ARL5C: variants seen among roughly 807,000 people sequenced by gnomAD.
ARL5C encodes putative ADP-ribosylation factor-like protein 5C.
A neutral mutation model predicts 20.8 loss-of-function variants in ARL5C; 21 were observed. The observed-to-expected ratio is 1.01, with a 90% CI of 0.72 to 1.46. The LOEUF is 1.46. ARL5C is among the 40% of genes most tolerant of loss of function. ARL5C has a pLI of 0.00. For synonymous variants in ARL5C, 71 were observed against 81.6 expected (o/e 0.87, Z 0.70); for missense variants, 199 against 225.1 (o/e 0.88, Z 0.74).
chr17:39,164,960 C>T lies in ARL5C; in HGVS notation c.107+119G>A. 2.9e-6 allele frequency: 3 copies of T among 1,025,220 alleles called. 1 individual carries two copies. The highest frequency in any genetic ancestry group is 4.4e-6 in the Non-Finnish European group (3 of 681,914). The allele number at this position is 1,025,220 out of a possible 1,614,324, so 63.5% of individuals were successfully genotyped here. A position where few individuals can be genotyped will look rare whatever the true frequency, so the allele number is the denominator to read the frequency against. On this transcript the variant is annotated intron_variant, in intron 2 of 5. Transcript: ENST00000269586. ...AAGGTCCAAGCAGCGTGCCCAATCG[C>T]TCCTCCGGACTACAGAGGAGCCCGG...
chr17:39,165,372 C>T (rs1597669832), intron 1 of ARL5C: 1 of 595,300 alleles, frequency 1.7e-6, no homozygotes, highest in Non-Finnish European at 3.0e-6. Flanking sequence ...TCTGAAAGGC[C>T]CGGGGCGCTT....
chr17:39,156,939 C>A lies in ARL5C; in HGVS notation c.495G>T (p.Leu165=). ...QGCCALTREG[L]PARLQWMESQ... The stretch of plus-strand genomic sequence containing the variant: ...ATTCCATCCACTGAAGTCTGGCAGG[C>A]AGCCTGCAGGGAGGAAGGAACAGGA... Residue 165 remains leucine, a synonymous_variant, in exon 6 of 6, where the codon CTG becomes CTT. Coordinates refer to ENST00000269586, the MANE Select transcript of ARL5C (RefSeq NM_001143968.1). 1.3e-6 allele frequency: 2 copies of A among 1,551,870 alleles called. No individual in the cohort carries two copies. Among genetic ancestry groups the A allele is most frequent in the Non-Finnish European group, 1.7e-6 (2 of 1,146,982 alleles).
rs751260465 is a variant in ARL5C, at chr17:39,166,087, G to A, written c.-327C>T. Reference sequence around the variant, plus strand: ...GGACTGCTCCACTACCGCAAATCAGGGGAGACTCAGCACTGCGCGCGGAAC... The same window carrying A: ...GGACTGCTCCACTACCGCAAATCAGAGGAGACTCAGCACTGCGCGCGGAAC... On this transcript the variant is annotated 5_prime_UTR_variant, in exon 1 of 6. Transcript: ENST00000269586. The A allele has an allele frequency of 2.2e-4, 85 of 384,852 alleles. No homozygotes were observed. Among genetic ancestry groups the A allele is most frequent in the Non-Finnish European group, 3.3e-4 (68 of 204,482 alleles). The allele number at this position is 384,852 out of a possible 1,614,324, so 23.8% of individuals were successfully genotyped here. A position where few individuals can be genotyped will look rare whatever the true frequency, so the allele number is the denominator to read the frequency against.
At chr17:39,161,222 A>C (rs980389114) in intron 4 of ARL5C, 46 bp downstream of exon 4, 207 of 1,508,864 alleles carry the variant, frequency 1.4e-4, no homozygotes, top group Non-Finnish European at 1.6e-4. Flanking sequence ...GCCTGAGGGC[A>C]CACAGCTAGT....
rs929762852 is a variant in ARL5C, at chr17:39,165,811, G to C, written c.-51C>G. The C allele has an allele frequency of 4.0e-5, 62 of 1,548,152 alleles. No individual in the cohort carries two copies. The African/African-American group carries it at 7.7e-4, about 19-fold the overall frequency. On this transcript the variant is annotated 5_prime_UTR_variant, in exon 1 of 6. Coordinates refer to ENST00000269586, the MANE Select transcript of ARL5C (RefSeq NM_001143968.1). The stretch of plus-strand genomic sequence containing the variant: ...AGGAGGGCTCAGCGGCCTCAGGAGC[G>C]GAGTCGGCCCTGGTATTCGGAGCTC...
chr17:39,157,423 G>A (rs2045410748), intron 5 of ARL5C, among the ~76,000 whole-genome samples: 1 of 152,186 alleles, frequency 6.6e-6, no homozygotes, highest in African/African-American at 2.4e-5. Flanking sequence ...GCGCATGGGT[G>A]GAGTCTTGGT....
At chr17:39,159,019 C>CT (rs1395516312) in intron 5 of ARL5C, among the ~76,000 whole-genome samples, 198 of 63,824 alleles carry the variant, frequency 3.1e-3, no homozygotes, top group African/African-American at 4.6e-3. Flanking sequence ...TCATTTATCA[C>CT]TTGTTTTTTT....
chr17:39,159,611 G>C (rs2045424779), intron 5 of ARL5C, among the ~76,000 whole-genome samples: 1 of 152,016 alleles, frequency 6.6e-6, no homozygotes, highest in African/African-American at 2.4e-5. Flanking sequence ...TTTTCTAACT[G>C]ACTATATATT....
In ARL5C at chr17:39,166,007, G is replaced by T; in HGVS notation, c.-247C>A. The stretch of plus-strand genomic sequence containing the variant: ...CCCAAGAGGTGCAAGGAATATGGGG[G>T]TTCCAGGCTCCAGCCCTCCCCCTCG... On this transcript the variant is annotated 5_prime_UTR_variant, in exon 1 of 6. Coordinates refer to ENST00000269586, the MANE Select transcript of ARL5C (RefSeq NM_001143968.1). 3.7e-6 allele frequency: 2 copies of T among 540,060 alleles called. No homozygotes were observed. Among genetic ancestry groups the T allele is most frequent in the Non-Finnish European group, 6.6e-6 (2 of 301,158 alleles). 33.5% of individuals were successfully genotyped at this position (540,060 alleles called of 1,614,324 possible). A position where few individuals can be genotyped will look rare whatever the true frequency, so the allele number is the denominator to read the frequency against.
chr17:39,162,747 C>T lies in ARL5C; in HGVS notation c.219G>A (p.Leu73=). ...AGTAGTATGTGTTCCAGATAAAGCT[C>T]AGAGCCTCAGGTCTCACTATGTCCC... ...FMWDIVRPEA[L]SFIWNTYYSN... The change falls in exon 3 of 6, where the codon CTG becomes CTA. Residue 73 remains leucine, a synonymous_variant. Transcript: ENST00000269586. The T allele has an allele frequency of 5.8e-6, 9 of 1,551,724 alleles. No homozygotes were observed. Among genetic ancestry groups the T allele is most frequent in the Non-Finnish European group, 7.8e-6 (9 of 1,147,000 alleles).
At chr17:39,162,291 T>C (rs1042709950) in intron 3 of ARL5C, among the ~76,000 whole-genome samples, 2 of 152,200 alleles carry the variant, frequency 1.3e-5, no homozygotes, top group Non-Finnish European at 2.9e-5. Flanking sequence ...GATCATTATA[T>C]ATATGTATAT....
intron 2 of ARL5C, among the ~76,000 whole-genome samples, chr17:39,164,561 C>T (rs1340038193): frequency 6.6e-6 from 1 of 152,114 alleles, no homozygotes; most frequent in Non-Finnish European, 1.5e-5. Context: ...AAAAGCTTCT[C>T]CTAAGTAAAG....
At chr17:39,157,554 C>T (rs1458897876) in intron 5 of ARL5C, among the ~76,000 whole-genome samples, 1 of 152,012 alleles carries the variant, frequency 6.6e-6, no homozygotes, top group Non-Finnish European at 1.5e-5. Flanking sequence ...CTTAGGGAGG[C>T]GGAGGCGGGT....
rs537303784 is a variant in ARL5C at position 39,158,083 on chromosome 17, G to A, written c.492-1141C>T. ...ACTGCGCTCCAGCCTGGGCAACAGA[G>A]CAAGTGGCCGTCGAAGAAAGGGAAG... On this transcript the variant is annotated intron_variant, in intron 5 of 5. Transcript: ENST00000269586. Among the ~76,000 whole-genome samples the A allele has an allele frequency of 6.0e-3, 857 of 142,698 alleles. 13 individuals are homozygous for A. The highest frequency in any genetic ancestry group is 0.02 in the African/African-American group (806 of 39,746). The allele number at this position is 142,698 out of a possible 152,430, so 93.6% of individuals were successfully genotyped here.
At position 39,156,957 on chromosome 17, in the gene ARL5C, G is replaced by T; in HGVS notation, c.492-15C>A. 1 of 1,551,872 alleles carries T rather than the reference G, an allele frequency of 6.4e-7. No individual in the cohort carries two copies. The highest frequency in any genetic ancestry group is 8.7e-7 in the Non-Finnish European group (1 of 1,146,954). ...TGGCAGGCAGCCTGCAGGGAGGAAG[G>T]AACAGGAGGGGTCAGCCTAACCCAA... is the stretch of plus-strand genomic sequence containing the variant. On this transcript the variant is annotated splice_polypyrimidine_tract_variant and intron_variant, in intron 5 of 5. Transcript: ENST00000269586.
chr17:39,162,800 T>C lies in ARL5C; in HGVS notation c.166A>G (p.Ile56Val). The change falls in exon 3 of 6, where the codon ATT becomes GTT. Residue 56 changes from isoleucine to valine, a missense_variant. Physicochemically the swap from Ile to Val is conservative, Grantham distance 29 (BLOSUM62 3). Coordinates refer to ENST00000269586, the MANE Select transcript of ARL5C (RefSeq NM_001143968.1). ...PTIGSNVEEI[I>V]LPKTHFFMWD... ...ATGAAGAAGTGGGTCTTCGGCAGAA[T>C]GATCTCCTCCACGTTGCTGCCAATG... is the stretch of plus-strand genomic sequence containing the variant. 1 of 1,551,596 alleles carries C rather than the reference T, an allele frequency of 6.4e-7. No homozygotes were observed.
At chr17:39,163,345 C>CTTTTCTTTCTTTCTTT (rs1555576107) in intron 2 of ARL5C, among the ~76,000 whole-genome samples, 1 of 136,740 alleles carries the variant, frequency 7.3e-6, no homozygotes, top group Non-Finnish European at 1.6e-5. Flanking sequence ...CAGGCTTTTG[C>CTTTTCTTTCTTTCTTT]CTTTCTTTCT....
intron 3 of ARL5C, among the ~76,000 whole-genome samples, chr17:39,162,281 G>C (rs115682056): frequency 8.3e-4 from 127 of 152,274 alleles, no homozygotes; most frequent in African/African-American, 2.9e-3. Flanking sequence ...AACTTAGGGA[G>C]ATCATTATAT....
chr17:39,160,855 A>C (rs1308204003), intron 4 of ARL5C, 113 bp from the exon 5 acceptor site: 3 of 1,292,518 alleles, frequency 2.3e-6, no homozygotes, highest in Non-Finnish European at 3.1e-6. Context: ...AGAGAGGCCC[A>C]TGCCTGGATG....
Sources: gnomAD v4.1 joint callset for allele counts (sites outside exome capture counted in the v4.1 genomes callset) on GRCh38, gnomAD v4.1.1 for gene constraint, MANE v1.5 for transcripts, NCBI Gene and HGNC (gene_info 2026-07-23, HGNC 2026-07-21) for gene names.